The following MST1 variants were observed in gnomAD, a reference collection of about 807,000 sequenced individuals.
The protein encoded by MST1 is hepatocyte growth factor-like protein.
A neutral mutation model predicts 100.1 loss-of-function variants in MST1; 76 were observed. The observed-to-expected ratio is 0.76, with a 90% CI of 0.63 to 0.92. The LOEUF is 0.92. Among genes scored for constraint, MST1 ranks in the 40% least tolerant of loss-of-function variants. The pLI, the probability that MST1 is intolerant of heterozygous loss-of-function variation, is 0.00. For missense variants in MST1, 850 were observed against 990.0 expected (o/e 0.86, Z 1.90); for synonymous variants, 352 against 385.4 (o/e 0.91, Z 1.01).
In MST1 at chr3:49,686,300, C is replaced by CCCG; in HGVS notation, c.1016+12_1016+13insCGG. On this transcript the variant is annotated intron_variant, in intron 8 of 17. Coordinates refer to ENST00000449682, the MANE Select transcript of MST1 (RefSeq NM_020998.4). ...CAGCACGTCCCAACGCCCGCCCCCCCCCCCCACCTCACTTGCACGCGTATT... is the reference window on the plus strand; with the variant it reads ...CAGCACGTCCCAACGCCCGCCCCCCCCCGCCCCCACCTCACTTGCACGCGTATT... 7 of 1,385,362 alleles carry CCCG rather than the reference C, an allele frequency of 5.1e-6. No individual in the cohort carries two copies. In the South Asian group the frequency reaches 7.5e-5, roughly 15 times the overall value. 85.8% of individuals were successfully genotyped at this position (1,385,362 alleles called of 1,614,324 possible).
intron 17 of MST1, 34 bp downstream of exon 17, chr3:49,684,280 C>T (rs2053496787): frequency 6.2e-7 from 1 of 1,611,910 alleles, no homozygotes; most frequent in South Asian, 1.1e-5. Context: ...CCCCCCATAC[C>T]CTTCCAGGGC....
chr3:49,685,225 A>G, intron 13 of MST1, 37 bp downstream of exon 13: 2 of 1,611,600 alleles, frequency 1.2e-6, no homozygotes, highest in Non-Finnish European at 1.7e-6. Context: ...ACACAACCTC[A>G]GCTCCTCTCT....
In MST1 at chr3:49,687,685, A is replaced by T; in HGVS notation, c.243-17T>A. On this transcript the variant is annotated splice_polypyrimidine_tract_variant and intron_variant, in intron 2 of 17. Transcript: ENST00000449682. ...TGGAAGGCCCTGGAGAGAAGAAGGC[A>T]CAGGGTAACGCCACAGCCCAGGCTT... 6.2e-7 allele frequency: 1 copy of T among 1,613,424 alleles called. No homozygotes were observed. The highest frequency in any genetic ancestry group is 8.5e-7 in the Non-Finnish European group (1 of 1,179,860).
rs1385138497 is a variant in MST1, at chr3:49,687,563, C to T, written c.348G>A (p.Gln116=). 5 of 1,613,392 alleles carry T rather than the reference C, an allele frequency of 3.1e-6. No homozygotes were observed. The South Asian group carries it at 5.5e-5, about 18-fold the overall frequency. ...LRRSGRCDLF[Q]KKDYVRTCIM... ...CTCTCCACCCCCACTTGCCTTTCTT[C>T]TGGAAGAGGTCACAGCGCCCAGAAC... Residue 116 remains glutamine, a synonymous_variant, in exon 3 of 18, where the codon CAG becomes CAA. Transcript: ENST00000449682.
rs778732598 is a variant in MST1 at position 49,686,147 on chromosome 3, C to T, written c.1062G>A (p.Ala354=). The T allele has an allele frequency of 6.2e-7, 1 of 1,611,240 alleles. No individual in the cohort carries two copies. The highest frequency in any genetic ancestry group is 8.5e-7 in the Non-Finnish European group (1 of 1,179,500). ...NFCRNPDGSE[A]PWCFTLRPGM... is the part of the protein sequence containing the mutation. ...CGGGCCGCAGTGTGAAGCACCAGGG[C>T]GCCTCTGAGCCGTCGGGGTTCCGGC... Residue 354 remains alanine (A), a synonymous_variant, in exon 9 of 18, where the codon GCG becomes GCA. Coordinates refer to ENST00000449682, the MANE Select transcript of MST1 (RefSeq NM_020998.4).
intron 15 of MST1, 31 bp from the exon 16 acceptor site, chr3:49,684,687 G>A (rs1253584545): frequency 6.2e-7 from 1 of 1,613,192 alleles, no homozygotes; most frequent in Non-Finnish European, 8.5e-7. Context: ...CTCAGGGTCT[G>A]AGGCCACAAG....
chr3:49,686,261 C>T (rs1421784537), intron 8 of MST1, 52 bp downstream of exon 8: 1 of 1,605,290 alleles, frequency 6.2e-7, no homozygotes, highest in Non-Finnish European at 8.5e-7. Context: ...ACCTTCCTCC[C>T]GTCTCACCCG....
rs1186673481 is a variant in MST1 at position 49,686,970 on chromosome 3, G to A, written c.705C>T (p.His235=). The stretch of plus-strand genomic sequence containing the variant: ...ACTTGCCCGGCTCGAAGGGGTGCTG[G>A]TGCGGGTGCTGAAGATCCCAGCGCT... ...ECQRWDLQHP[H]QHPFEPGKFL... The change falls in exon 6 of 18, where the codon CAC becomes CAT. Residue 235 remains histidine, a synonymous_variant. Coordinates refer to ENST00000449682, the MANE Select transcript of MST1 (RefSeq NM_020998.4). 2.5e-6 allele frequency: 4 copies of A among 1,611,100 alleles called. No individual in the cohort carries two copies. The highest frequency in any genetic ancestry group is 3.4e-6 in the Non-Finnish European group (4 of 1,179,730).
At position 49,686,742 on chromosome 3, in the gene MST1, T is replaced by A. The variant is rs764601214; in HGVS notation, c.789A>T (p.Pro263=). The A allele has an allele frequency of 2.1e-5, 34 of 1,604,526 alleles. No homozygotes were observed. Among genetic ancestry groups the A allele is most frequent in the Non-Finnish European group, 2.6e-5 (31 of 1,176,532 alleles). ...TCTGCGGATCCGTAGTGTAGCACCA[T>A]GGCCGCTCGGAGCCGTCAGGATTCC... ...YCRNPDGSER[P]WCYTTDPQIE... The change falls in exon 7 of 18, where the codon CCA becomes CCT. Residue 263 remains proline (P), a synonymous_variant. Coordinates refer to ENST00000449682, the MANE Select transcript of MST1 (RefSeq NM_020998.4).
Position 49,688,593 on chromosome 3 carries a change from C to CT in MST1, c.94+4dup. 1 of 1,612,282 alleles carries CT rather than the reference C, an allele frequency of 6.2e-7. No individual in the cohort carries two copies. Among genetic ancestry groups the CT allele is most frequent in the South Asian group, 1.1e-5 (1 of 90,604 alleles). ...CAGATGGGGATCAGGGTTGGGGGCA[C>CT]TTACCAGGGACCCCTAAGCATTGAG... On this transcript the variant is annotated splice_donor_region_variant and intron_variant, in intron 1 of 17. Transcript: ENST00000449682.
rs2053473699 is a variant in MST1, at chr3:49,683,971, C to T, written c.*57G>A. ...GTACAGGCATAAAGAGGAAACATGG[C>T]TTTATGTCTGACAAGAAGTTTTGTC... On this transcript the variant is annotated 3_prime_UTR_variant, in exon 18 of 18. Coordinates refer to ENST00000449682, the MANE Select transcript of MST1 (RefSeq NM_020998.4). 22 of 1,585,434 alleles carry T rather than the reference C, an allele frequency of 1.4e-5. No individual in the cohort carries two copies. In the South Asian group the frequency reaches 2.4e-4, roughly 18 times the overall value.
chr3:49,685,070 C>G lies in MST1; in HGVS notation c.1564G>C (p.Gly522Arg). The G allele has an allele frequency of 6.2e-7, 1 of 1,611,258 alleles. No homozygotes were observed. The highest frequency in any genetic ancestry group is 1.1e-5 in the South Asian group (1 of 90,724). The change falls in exon 14 of 18, where the codon GGG becomes CGG. Residue 522 changes from glycine to arginine, a missense_variant. This residue lies in a region of MST1 where 816 missense variants were observed against 924.6 expected (regional missense o/e 0.88). Coordinates refer to ENST00000449682, the MANE Select transcript of MST1 (RefSeq NM_020998.4). Reference protein sequence around the residue: ...LRNRQGQHFCGGSLVKEQWIL... With the variant: ...LRNRQGQHFCRGSLVKEQWIL... ...CACTGCTCCTTCACTAGAGACCCCC[C>G]GCAGAAATGCTGGCCCTGCCTAGAG...
chr3:49,688,427 T>A (rs1470503105), intron 1 of MST1, 171 bp downstream of exon 1: 3 of 609,714 alleles, frequency 4.9e-6, no homozygotes, highest in Non-Finnish European at 8.9e-6. Flanking sequence ...GAGGCCTAAG[T>A]GGGCAATGTC....
chr3:49,686,211 C>A lies in MST1; in HGVS notation c.1017-19G>T. ...AAGGTCTCTAAGCAGGCGCTCCACT[C>A]AGCCCTAGCCCGCCAGCCTCCAGCC... is the stretch of plus-strand genomic sequence containing the variant. On this transcript the variant is annotated intron_variant, in intron 8 of 17. Transcript: ENST00000449682. 6.2e-7 allele frequency: 1 copy of A among 1,610,634 alleles called. No homozygotes were observed.
intron 1 of MST1, chr3:49,688,140 C>T (rs1048023492): frequency 4.7e-5 from 28 of 600,932 alleles, no homozygotes; most frequent in Non-Finnish European, 7.8e-5. Context: ...GCCCAGGCAC[C>T]GGGCTCAGAT....
Position 49,686,133 on chromosome 3 carries a change from G to C in MST1, c.1076C>G (p.Thr359Arg), listed in dbSNP as rs1436093965. Residue 359 changes from threonine to arginine, a missense_variant, in exon 9 of 18, where the codon ACA (threonine) becomes AGA (arginine). Transcript: ENST00000449682. Reference protein sequence around the residue: ...PDGSEAPWCFTLRPGMRAAFC... With the variant: ...PDGSEAPWCFRLRPGMRAAFC... The stretch of plus-strand genomic sequence containing the variant: ...GGCCGCGCGCATGCCGGGCCGCAGT[G>C]TGAAGCACCAGGGCGCCTCTGAGCC... 2 of 1,611,340 alleles carry C rather than the reference G, an allele frequency of 1.2e-6. No homozygotes were observed. Among genetic ancestry groups the C allele is most frequent in the Non-Finnish European group, 1.7e-6 (2 of 1,179,616 alleles).
chr3:49,685,277 A>C lies in MST1; in HGVS notation c.1529T>G (p.Val510Gly). 1 of 1,613,350 alleles carries C rather than the reference A, an allele frequency of 6.2e-7. No individual in the cohort carries two copies. Among genetic ancestry groups the C allele is most frequent in the Non-Finnish European group, 8.5e-7 (1 of 1,179,832 alleles). The change falls in exon 13 of 18, where the codon GTC becomes GGC. Residue 510 changes from valine (V) to glycine (G), a missense_variant. Physicochemically the swap from Val to Gly is moderately radical, Grantham distance 109 (BLOSUM62 -3). Coordinates refer to ENST00000449682, the MANE Select transcript of MST1 (RefSeq NM_020998.4). ...GGHPGNSPWT[V>G]SLRNRQGQHF... ...TGTGCCTCACCGATTCCGCAAGCTG[A>C]CTGTCCAGGGTGAGTTGCCCGGATG... is the stretch of plus-strand genomic sequence containing the variant.
In MST1 at chr3:49,685,629, T is replaced by A; in HGVS notation, c.1354A>T (p.Thr452Ser). 6.2e-7 allele frequency: 1 copy of A among 1,613,330 alleles called. No individual in the cohort carries two copies. ...CGCAGGGCACAGTAGTCGAATGGGG[T>A]CCTTGGGTCCATCGTGTAGCACCAG... ...GPWCYTMDPR[T>S]PFDYCALRRC... The change falls in exon 11 of 18, where the codon ACC (threonine) becomes TCC (serine). Residue 452 changes from threonine (T) to serine (S), a missense_variant. Around this residue, in one of 2 missense-constraint regions of MST1, gnomAD observed 816 missense variants for 924.6 expected, o/e 0.88. Coordinates refer to ENST00000449682, the MANE Select transcript of MST1 (RefSeq NM_020998.4).
At chr3:49,686,033 G>A (rs1377704092) in intron 9 of MST1, 29 bp downstream of exon 9, 1 of 1,606,286 alleles carries the variant, frequency 6.2e-7, no homozygotes, top group Non-Finnish European at 8.5e-7. Flanking sequence ...TTCCAGCCCG[G>A]CTCTGTAGCC....
Sources: allele counts gnomAD v4.1 joint callset, GRCh38; gene constraint gnomAD v4.1.1; regional missense constraint gnomAD v4.1.1; transcripts MANE v1.5; gene names NCBI Gene and HGNC (gene_info 2026-07-23, HGNC 2026-07-21).